SDHB: variants seen among roughly 807,000 people sequenced by gnomAD.
The protein encoded by SDHB is succinate dehydrogenase [ubiquinone] iron-sulfur subunit, mitochondrial.
In SDHB, 21 loss-of-function variants were observed where a neutral mutation model predicts 39.7. The observed-to-expected ratio is 0.53, with a 90% CI of 0.37 to 0.76. The LOEUF is 0.76. Among genes scored for constraint, SDHB ranks in the 30% least tolerant of loss-of-function variants. SDHB has a pLI of 0.00. For missense variants in SDHB, 343 were observed against 350.9 expected (o/e 0.98, Z 0.18); for synonymous variants, 118 against 117.0 (o/e 1.01, Z -0.06).
intron 3 of SDHB, among the ~76,000 whole-genome samples, chr1:17,030,393 T>C (rs537816826): frequency 6.6e-6 from 1 of 152,102 alleles, no homozygotes; most frequent in Non-Finnish European, 1.5e-5. Context: ...CCTGGGGCTA[T>C]GAAATCCACA....
At chr1:17,044,573 G>A (rs912951038) in intron 2 of SDHB, among the ~76,000 whole-genome samples, 188 bp downstream of exon 2, 2 of 152,154 alleles carry the variant, frequency 1.3e-5, no homozygotes, top group African/African-American at 4.8e-5. Context: ...TGATCTGCCC[G>A]CCTGAGCCTC....
intron 2 of SDHB, among the ~76,000 whole-genome samples, chr1:17,040,945 A>G (rs1012154888): frequency 6.6e-6 from 1 of 152,152 alleles, no homozygotes; most frequent in African/African-American, 2.4e-5. Flanking sequence ...GCCTGCCAAC[A>G]TGGCGAAACC....
chr1:17,041,083 T>C (rs573807969), intron 2 of SDHB, among the ~76,000 whole-genome samples: 3 of 152,104 alleles, frequency 2.0e-5, no homozygotes, highest in African/African-American at 4.8e-5. Flanking sequence ...TGAGCCAAGA[T>C]TGCGCCACTG....
At chr1:17,039,032 G>C (rs1197851956) in intron 2 of SDHB, among the ~76,000 whole-genome samples, 1 of 151,698 alleles carries the variant, frequency 6.6e-6, no homozygotes, top group Non-Finnish European at 1.5e-5. Context: ...CATATGGTTG[G>C]GTTTTGCTTT....
At chr1:17,051,039 C>A (rs966465005) in intron 1 of SDHB, among the ~76,000 whole-genome samples, 1 of 152,172 alleles carries the variant, frequency 6.6e-6, no homozygotes, top group African/African-American at 2.4e-5. Context: ...AACCTTTTAG[C>A]CATTATAACC....
At chr1:17,029,093 G>GGT (rs1478642870) in intron 3 of SDHB, among the ~76,000 whole-genome samples, 1 of 72,030 alleles carries the variant, frequency 1.4e-5, no homozygotes, top group Non-Finnish European at 2.4e-5. Context: ...AAATCAGCCT[G>GGT]TTTTTTTTTT....
rs778952116 is a variant in SDHB at position 17,028,736 on chromosome 1, C to T, written c.287G>A (p.Gly96Asp). 2.5e-6 allele frequency: 4 copies of T among 1,613,792 alleles called. No individual in the cohort carries two copies. The highest frequency in any genetic ancestry group is 1.3e-5 in the African/African-American group (1 of 74,920). The change falls in exon 4 of 8, where the codon GGC (glycine) becomes GAC (aspartate). Residue 96 changes from glycine to aspartate, a missense_variant and splice_region_variant. Gly to Asp is a moderately conservative substitution (Grantham distance 94, BLOSUM62 -1). Transcript: ENST00000375499. ...GTTCATTGCACAAGAGCCACAGATGCCTGAAAGAGACACACATTTAACACA... is the reference window on the plus strand; with the variant it reads ...GTTCATTGCACAAGAGCCACAGATGTCTGAAAGAGACACACATTTAACACA... ...TLTFRRSCREGICGSCAMNIN... is the reference protein window; with the variant it reads ...TLTFRRSCREDICGSCAMNIN...
chr1:17,052,898 T>C (rs922444859), intron 1 of SDHB, among the ~76,000 whole-genome samples: 4 of 152,218 alleles, frequency 2.6e-5, no homozygotes, highest in African/African-American at 9.6e-5. Context: ...AAGGAGTTTT[T>C]CTGGTACCAT....
chr1:17,036,739 TATATAA>T lies in SDHB; in HGVS notation c.201-3600_201-3595del, dbSNP rs1164567710. On this transcript the variant is annotated intron_variant, in intron 2 of 7. Coordinates refer to ENST00000375499, the MANE Select transcript of SDHB (RefSeq NM_003000.3). ...ATATAAATATTTATATAAATATGAA[TATATAA>T]ATATAAATATTTATATAAATATGAA... Among the ~76,000 whole-genome samples, 17 of 146,626 alleles carry T rather than the reference TATATAA, an allele frequency of 1.2e-4. No individual in the cohort carries two copies. In the South Asian group the frequency reaches 2.9e-3, roughly 25 times the overall value.
At chr1:17,046,720 T>C (rs1279172261) in intron 1 of SDHB, among the ~76,000 whole-genome samples, 1 of 152,156 alleles carries the variant, frequency 6.6e-6, no homozygotes, top group Non-Finnish European at 1.5e-5. Flanking sequence ...ACTATTTATT[T>C]ATTTATTTAT....
chr1:17,021,128 G>T (rs2077960071), intron 7 of SDHB, among the ~76,000 whole-genome samples: 2 of 152,178 alleles, frequency 1.3e-5, no homozygotes, highest in African/African-American at 4.8e-5. Flanking sequence ...GCTGACACCT[G>T]CTATGGTTTG....
Position 17,023,878 on chromosome 1 carries a change from C to T in SDHB, c.642+95G>A, listed in dbSNP as rs1037483432. 155 of 895,080 alleles carry T rather than the reference C, an allele frequency of 1.7e-4. 1 individual carries two copies. The East Asian group carries it at 3.8e-3, about 22-fold the overall frequency. The allele number at this position is 895,080 out of a possible 1,614,324, so 55.4% of individuals were successfully genotyped here. ...GGATGGCAATGAAGGAAACCAGGCC[C>T]CTCAGAATGGCTGGCTTACAGCAAT... is the stretch of plus-strand genomic sequence containing the variant. On this transcript the variant is annotated intron_variant, in intron 6 of 7. Transcript: ENST00000375499.
At chr1:17,050,523 C>A (rs2078140121) in intron 1 of SDHB, among the ~76,000 whole-genome samples, 1 of 151,682 alleles carries the variant, frequency 6.6e-6, no homozygotes, top group Admixed American at 6.6e-5. Context: ...CGATGGCGGG[C>A]ACCTGTAATC....
At chr1:17,019,015 C>T in intron 7 of SDHB, 57 bp from the exon 8 acceptor site, 1 of 1,361,850 alleles carries the variant, frequency 7.3e-7, no homozygotes, top group South Asian at 1.2e-5. Context: ...AAAGGGAAAA[C>T]CCACAATCTT....
At chr1:17,031,150 A>G (rs929741213) in intron 3 of SDHB, among the ~76,000 whole-genome samples, 1 of 152,042 alleles carries the variant, frequency 6.6e-6, no homozygotes, top group Admixed American at 6.6e-5. Context: ...TAAATCTTAG[A>G]AAGAGTGTAA....
intron 5 of SDHB, among the ~76,000 whole-genome samples, chr1:17,027,051 T>C (rs932623743): frequency 2.0e-5 from 3 of 152,230 alleles, no homozygotes; most frequent in African/African-American, 7.2e-5. Context: ...CCCTTGGCCC[T>C]GTGCAGACCT....
At chr1:17,025,138 GA>G (rs1167990770) in intron 5 of SDHB, among the ~76,000 whole-genome samples, 2 of 152,156 alleles carry the variant, frequency 1.3e-5, no homozygotes, top group Non-Finnish European at 2.9e-5. Context: ...TAAAAAATTG[GA>G]AACAATTTCA....
intron 1 of SDHB, among the ~76,000 whole-genome samples, chr1:17,051,164 T>C (rs1194808527): frequency 6.6e-6 from 1 of 152,194 alleles, no homozygotes; most frequent in East Asian, 1.9e-4. Context: ...GACTATATGA[T>C]TTTTTTCCCC....
chr1:17,045,385 G>T (rs557547558), intron 1 of SDHB, among the ~76,000 whole-genome samples: 1 of 152,100 alleles, frequency 6.6e-6, no homozygotes, highest in Admixed American at 6.6e-5. Flanking sequence ...AGGCAGAAGT[G>T]AGAGAATTGC....
Sources: gnomAD v4.1 joint callset for allele counts (sites outside exome capture counted in the v4.1 genomes callset) on GRCh38, gnomAD v4.1.1 for gene constraint, MANE v1.5 for transcripts, NCBI Gene and HGNC (gene_info 2026-07-23, HGNC 2026-07-21) for gene names.